Variants in NCOA2 observed in about 807,000 individuals in gnomAD.
The protein encoded by NCOA2 is nuclear receptor coactivator 2, also known as class E basic helix-loop-helix protein 75.
NCOA2 carries 21 observed loss-of-function variants against 145.1 expected under a neutral mutation model. The ratio of observed to expected loss-of-function variants is 0.14; its 90% CI spans 0.10 to 0.21. The LOEUF (loss-of-function observed/expected upper bound fraction) is 0.21. Ranked by LOEUF, NCOA2 falls within the 10% of genes least tolerant of loss-of-function variation. The pLI is 1.00. For missense variants in NCOA2, 1,472 were observed against 1,837.6 expected, an observed-to-expected ratio of 0.80 and a Z score of 3.64; for synonymous variants, 619 against 637.5, an observed-to-expected ratio of 0.97 and a Z score of 0.44.
intron 4 of NCOA2, among the ~76,000 whole-genome samples, chr8:70,184,461 C>T (rs1284102788): frequency 6.6e-6 from 1 of 152,048 alleles, no homozygotes; most frequent in Non-Finnish European, 1.5e-5. Context: ...GTTTCTTGTC[C>T]CTCCCACGCA....
chr8:70,169,141 T>C (rs1813953691), intron 6 of NCOA2, among the ~76,000 whole-genome samples: 1 of 152,182 alleles, frequency 6.6e-6, no homozygotes, highest in Non-Finnish European at 1.5e-5. Context: ...ATCATCAATT[T>C]GAGAATATTA....
chr8:70,251,415 A>G lies in NCOA2; in HGVS notation c.-19-34651T>C, dbSNP rs540031608. 3.3e-5 allele frequency among the ~76,000 whole-genome samples: 5 copies of G among 152,234 alleles called. No individual in the cohort carries two copies. The South Asian group carries it at 1.0e-3, about 31-fold the overall frequency. On this transcript the variant is annotated intron_variant, in intron 2 of 22. Coordinates refer to ENST00000452400, the MANE Select transcript of NCOA2 (RefSeq NM_006540.4). ...GAATAATATACAAATAGCATACTAC[A>G]TTTCCATCTCAGCATTTGTACTTCA... is the stretch of plus-strand genomic sequence containing the variant.
At chr8:70,366,735 T>C (rs1270116093) in intron 1 of NCOA2, among the ~76,000 whole-genome samples, 2 of 144,814 alleles carry the variant, frequency 1.4e-5, no homozygotes, top group African/African-American at 5.3e-5. Context: ...TAAGCAGCCA[T>C]TGGCTTTAAA....
At chr8:70,320,892 C>G (rs984119785) in intron 1 of NCOA2, among the ~76,000 whole-genome samples, 1 of 152,132 alleles carries the variant, frequency 6.6e-6, no homozygotes, top group African/African-American at 2.4e-5. Context: ...TGAGTTATCT[C>G]TATTAAAGAA....
rs111457292 is a variant in NCOA2 at position 70,291,862 on chromosome 8, G to A, written c.-20+4882C>T. Among the ~76,000 whole-genome samples, 853 of 152,206 alleles carry A rather than the reference G, an allele frequency of 5.6e-3. 5 individuals are homozygous for A. The highest frequency in any genetic ancestry group is 0.02 in the African/African-American group (828 of 41,558). On this transcript the variant is annotated intron_variant, in intron 2 of 22. Transcript: ENST00000452400. ...CGCCTGTAATCCCAGCACTTTGGGAGGCCGAGGCGGGCGGATCACAAGGTC... is the reference window on the plus strand; with the variant it reads ...CGCCTGTAATCCCAGCACTTTGGGAAGCCGAGGCGGGCGGATCACAAGGTC...
At chr8:70,405,471 T>C (rs1814740557), upstream of NCOA2, among the ~76,000 whole-genome samples, 1 of 110,050 alleles carries the variant, frequency 9.1e-6, no homozygotes, top group Non-Finnish European at 1.8e-5. Flanking sequence ...TTTTTTTAGC[T>C]AGCTGGAATA....
intron 2 of NCOA2, among the ~76,000 whole-genome samples, chr8:70,281,537 T>TG (rs1825883541): frequency 6.6e-6 from 1 of 152,112 alleles, no homozygotes; most frequent in African/African-American, 2.4e-5. Flanking sequence ...TAAGTACAAG[T>TG]GGCTAGGGAG....
At chr8:70,170,115 G>A in intron 6 of NCOA2, 87 bp downstream of exon 6, 1 of 1,246,232 alleles carries the variant, frequency 8.0e-7, no homozygotes, top group South Asian at 1.4e-5. Flanking sequence ...AGTTTTATTT[G>A]ATCCACTTCA....
chr8:70,430,045 G>T, the NCOA2 span, among the ~76,000 whole-genome samples: 3 of 151,928 alleles, frequency 2.0e-5, no homozygotes, highest in Non-Finnish European at 4.4e-5. Context: ...TAGAGATAGG[G>T]TCTCACTTTG....
chr8:70,291,185 T>G (rs772824551), intron 2 of NCOA2, among the ~76,000 whole-genome samples: 1 of 152,206 alleles, frequency 6.6e-6, no homozygotes, highest in Non-Finnish European at 1.5e-5. Flanking sequence ...TAACAATCTA[T>G]TAAACCACTT....
chr8:70,148,238 A>G (rs1811325340), intron 12 of NCOA2, 35 bp downstream of exon 12: 2 of 1,590,960 alleles, frequency 1.3e-6, no homozygotes, highest in South Asian at 2.2e-5. Flanking sequence ...TTATATGGAA[A>G]TTTCTTGGCA....
chr8:70,116,840 G>C (rs1807191917), intron 22 of NCOA2, among the ~76,000 whole-genome samples: 1 of 152,234 alleles, frequency 6.6e-6, no homozygotes, highest in South Asian at 2.1e-4. Flanking sequence ...AACAGGGAAA[G>C]TTGACGAGGT....
intron 4 of NCOA2, among the ~76,000 whole-genome samples, chr8:70,176,225 TGTA>T (rs1814831065): frequency 6.6e-6 from 1 of 152,234 alleles, no homozygotes; most frequent in South Asian, 2.1e-4. Context: ...GAGTTCCAAA[TGTA>T]GTAATTTCTC....
chr8:70,173,450 GT>G (rs1426220682), intron 5 of NCOA2, among the ~76,000 whole-genome samples: 1 of 152,130 alleles, frequency 6.6e-6, no homozygotes, highest in Non-Finnish European at 1.5e-5. Flanking sequence ...AAATTATCCA[GT>G]TTCTTTCATT....
At chr8:70,140,964 T>C (rs1810343113) in intron 14 of NCOA2, among the ~76,000 whole-genome samples, 1 of 152,042 alleles carries the variant, frequency 6.6e-6, no homozygotes. Flanking sequence ...GGTAATTTAG[T>C]AAAAATAAAA....
At chr8:70,387,479 C>T (rs1236825678) in intron 1 of NCOA2, among the ~76,000 whole-genome samples, 1 of 152,172 alleles carries the variant, frequency 6.6e-6, no homozygotes, top group Admixed American at 6.5e-5. Flanking sequence ...AATCCTCTTT[C>T]CTCTCTTATT....
intron 9 of NCOA2, among the ~76,000 whole-genome samples, chr8:70,160,875 T>A (rs899194298): frequency 6.6e-6 from 1 of 152,228 alleles, no homozygotes; most frequent in Non-Finnish European, 1.5e-5. Flanking sequence ...TTACTGAACA[T>A]GTGAGTATCT....
intron 4 of NCOA2, among the ~76,000 whole-genome samples, chr8:70,182,754 C>T (rs1014206765): frequency 2.6e-5 from 4 of 152,066 alleles, no homozygotes; most frequent in Non-Finnish European, 5.9e-5. Context: ...ACAATTTGTC[C>T]AAAATCTTCC....
At chr8:70,303,876 T>C (rs557310422) in intron 1 of NCOA2, among the ~76,000 whole-genome samples, 1 of 152,108 alleles carries the variant, frequency 6.6e-6, no homozygotes, top group South Asian at 2.1e-4. Context: ...CCACCAAGAC[T>C]AGAGCATGCC....
Sources: gnomAD v4.1 joint callset for allele counts (sites outside exome capture counted in the v4.1 genomes callset) on GRCh38, gnomAD v4.1.1 for gene constraint, MANE v1.5 for transcripts, NCBI Gene and HGNC (gene_info 2026-07-23, HGNC 2026-07-21) for gene names.